The following TMEM255B variants were observed in gnomAD, a reference collection of about 807,000 sequenced individuals.
TMEM255B encodes the protein family with sequence similarity 70, member B.
Under a neutral mutation model 34.5 loss-of-function variants are expected in TMEM255B, and 35 were observed. The observed-to-expected ratio is 1.01, with a 90% CI of 0.77 to 1.34. TMEM255B has a LOEUF of 1.34. Ranked by LOEUF, TMEM255B falls within the 40% of genes most tolerant of loss-of-function variation. The probability of loss-of-function intolerance (pLI) is 0.00; values close to 1 mark genes in which losing one functional copy is unlikely to be tolerated. For synonymous variants in TMEM255B, 206 were observed against 201.2 expected (o/e 1.02, Z -0.20); for missense variants, 432 against 433.2 (o/e 1.00, Z 0.02).
Position 113,805,141 on chromosome 13 carries a change from AT to A in TMEM255B, c.813+115del, listed in dbSNP as rs1594166786. The A allele has an allele frequency of 1.3e-5, 17 of 1,262,650 alleles. 1 individual carries two copies. Among genetic ancestry groups the A allele is most frequent in the Middle Eastern group, 2.5e-4 (1 of 4,014 alleles). 78.2% of individuals were successfully genotyped at this position (1,262,650 alleles called of 1,614,324 possible). A position where few individuals can be genotyped will look rare whatever the true frequency, so the allele number is the denominator to read the frequency against. On this transcript the variant is annotated intron_variant, in intron 8 of 8. Coordinates refer to ENST00000375353, the MANE Select transcript of TMEM255B (RefSeq NM_182614.4). ...GTCTTGCAGCCGCCTCACCTTCTGG[AT>A]TAGGGATGGGAGGTGGGGGGCAGTG...
chr13:113,800,814 C>T lies in TMEM255B; in HGVS notation c.424-13C>T, dbSNP rs1439511983. The T allele has an allele frequency of 6.3e-7, 1 of 1,599,468 alleles. No individual in the cohort carries two copies. The highest frequency in any genetic ancestry group is 8.5e-7 in the Non-Finnish European group (1 of 1,173,558). Reference sequence around the variant, plus strand: ...GCACCGGCATGTGACCTGACAAGGCCTCTCTGCCCCAGGTCACCTGTCACT... The same window carrying T: ...GCACCGGCATGTGACCTGACAAGGCTTCTCTGCCCCAGGTCACCTGTCACT... On this transcript the variant is annotated splice_polypyrimidine_tract_variant and intron_variant, in intron 5 of 8. Transcript: ENST00000375353.
chr13:113,805,085 A>G, intron 8 of TMEM255B, 57 bp downstream of exon 8: 1 of 1,507,824 alleles, frequency 6.6e-7, no homozygotes, highest in Non-Finnish European at 8.9e-7. Flanking sequence ...AGTGGGATGG[A>G]CAGGATGGGG....
intron 8 of TMEM255B, 97 bp from the exon 9 acceptor site, chr13:113,811,639 G>C: frequency 1.4e-6 from 2 of 1,427,418 alleles, no homozygotes; most frequent in Non-Finnish European, 1.9e-6. Flanking sequence ...GGGTGGGTGG[G>C]GAGCGTGTGA....
intron 5 of TMEM255B, chr13:113,799,903 C>T (rs767865746): frequency 8.2e-7 from 1 of 1,224,494 alleles, no homozygotes; most frequent in South Asian, 1.3e-5. Context: ...TGACGGCGCT[C>T]TCTGTGTGTC....
intron 7 of TMEM255B, 129 bp downstream of exon 7, chr13:113,801,941 A>G: frequency 9.0e-7 from 1 of 1,115,252 alleles, no homozygotes; most frequent in Non-Finnish European, 1.3e-6. Flanking sequence ...TGCGTCTGTC[A>G]GCAGGGTGTC....
Position 113,795,056 on chromosome 13 carries a change from G to C in TMEM255B, c.253-92G>C, listed in dbSNP as rs1022764592. On this transcript the variant is annotated intron_variant, in intron 3 of 8. Coordinates refer to ENST00000375353, the MANE Select transcript of TMEM255B (RefSeq NM_182614.4). ...GAGAAGAGGCAGTTCTGTGAAAGAA[G>C]CCCCGACCTCGAGCTGGGACTTTGA... The C allele has an allele frequency of 6.0e-6, 7 of 1,171,744 alleles. No individual in the cohort carries two copies. The African/African-American group carries it at 1.1e-4, about 18-fold the overall frequency. The allele number at this position is 1,171,744 out of a possible 1,614,324, so 72.6% of individuals were successfully genotyped here.
At chr13:113,800,767 G>A in intron 5 of TMEM255B, 60 bp from the exon 6 acceptor site, 1 of 1,505,566 alleles carries the variant, frequency 6.6e-7, no homozygotes, top group Non-Finnish European at 9.0e-7. Flanking sequence ...CCCTGCCCTT[G>A]GTGGGGTGGG....
At chr13:113,799,809 T>G (rs1453110701) in intron 5 of TMEM255B, 1 of 640,422 alleles carries the variant, frequency 1.6e-6, no homozygotes, top group Non-Finnish European at 2.9e-6. Flanking sequence ...ACCTCATTTC[T>G]CTTTCCAGGT....
At position 113,763,943 on chromosome 13, in the gene TMEM255B, C is replaced by T. The variant is rs938967435; in HGVS notation, c.47-2172C>T. Among the ~76,000 whole-genome samples, 10 of 152,312 alleles carry T rather than the reference C, an allele frequency of 6.6e-5. No individual in the cohort carries two copies. The East Asian group carries it at 1.5e-3, about 24-fold the overall frequency. On this transcript the variant is annotated intron_variant, in intron 1 of 8. Coordinates refer to ENST00000375353, the MANE Select transcript of TMEM255B (RefSeq NM_182614.4). ...GGCTGAGAAGCGAGGGACTGAGAGG[C>T]GGAGCTGGAGGAGGCCTTGGGCCGT...
intron 1 of TMEM255B, among the ~76,000 whole-genome samples, 162 bp downstream of exon 1, chr13:113,759,477 T>G (rs765465920): frequency 2.0e-5 from 3 of 152,144 alleles, no homozygotes; most frequent in Non-Finnish European, 4.4e-5. Flanking sequence ...TGGAACACTT[T>G]GCATTTCGCA....
Position 113,813,754 on chromosome 13 carries a change from C to T in TMEM255B, c.*1851C>T, listed in dbSNP as rs1271902119. On this transcript the variant is annotated 3_prime_UTR_variant, in exon 9 of 9. Coordinates refer to ENST00000375353, the MANE Select transcript of TMEM255B (RefSeq NM_182614.4). ...TGCAGCCAGCTCTGGTCTGTGAACC[C>T]GCCACTGCTTGTCATTTTTATCTTA... 6.6e-6 allele frequency: 1 copy of T among 152,252 alleles called. No individual in the cohort carries two copies. Among genetic ancestry groups the T allele is most frequent in the Non-Finnish European group, 1.5e-5 (1 of 68,086 alleles). The allele number at this position is 152,252 out of a possible 1,614,324, so 9.4% of individuals were successfully genotyped here. A position where few individuals can be genotyped will look rare whatever the true frequency, so the allele number is the denominator to read the frequency against.
chr13:113,803,475 G>T (rs1307828130), intron 7 of TMEM255B: 1 of 148,398 alleles, frequency 6.7e-6, no homozygotes, highest in Non-Finnish European at 1.5e-5. Flanking sequence ...CACTTAACGT[G>T]CCGGCAAGGG....
At chr13:113,808,798 G>GGGA (rs1555302319) in intron 8 of TMEM255B, among the ~76,000 whole-genome samples, 1 of 96,910 alleles carries the variant, frequency 1.0e-5, no homozygotes, top group Non-Finnish European at 2.0e-5. Flanking sequence ...TTCCTGGGGG[G>GGGA]GGGGTTACTC....
chr13:113,761,306 G>A (rs1032866470), intron 1 of TMEM255B: 1 of 985,118 alleles, frequency 1.0e-6, no homozygotes, highest in African/African-American at 1.7e-5. Context: ...ATGGGTCTGA[G>A]GGGCAGGAAG....
chr13:113,795,570 CACAGAGCACACAGCACACACACCACA>C (rs1486862526), intron 4 of TMEM255B, among the ~76,000 whole-genome samples: 5 of 146,262 alleles, frequency 3.4e-5, no homozygotes, highest in South Asian at 2.2e-4. Flanking sequence ...CCACACAACA[CACAGAGCACACAGCACACACACCACA>C]ACAGAGCACA....
At position 113,797,747 on chromosome 13, in the gene TMEM255B, C is replaced by T. The variant is rs2050967488; in HGVS notation, c.343-1592C>T. On this transcript the variant is annotated intron_variant, in intron 4 of 8. Transcript: ENST00000375353. Reference sequence around the variant, plus strand: ...GCAGTGTTACTAGTGGTTTCTAATACTTTTCTTGGTTCAGAACTAGGAGCC... The same window carrying T: ...GCAGTGTTACTAGTGGTTTCTAATATTTTTCTTGGTTCAGAACTAGGAGCC... Among the ~76,000 whole-genome samples, 4 of 152,248 alleles carry T rather than the reference C, an allele frequency of 2.6e-5. No individual in the cohort carries two copies. The South Asian group carries it at 8.3e-4, about 31-fold the overall frequency.
chr13:113,794,606 G>A (rs1404581190), intron 3 of TMEM255B, among the ~76,000 whole-genome samples: 1 of 152,022 alleles, frequency 6.6e-6, no homozygotes, highest in East Asian at 1.9e-4. Flanking sequence ...AGTTTTTAGG[G>A]TTAGGGCAGG....
intron 7 of TMEM255B, among the ~76,000 whole-genome samples, chr13:113,803,764 G>C (rs76603312): frequency 7.9e-5 from 12 of 152,290 alleles, no homozygotes; most frequent in African/African-American, 2.9e-4. Flanking sequence ...TGTGGACCAA[G>C]GACCAGCTGC....
At chr13:113,766,292 G>C (rs925334519) in intron 2 of TMEM255B, 35 bp downstream of exon 2, 2 of 1,612,560 alleles carry the variant, frequency 1.2e-6, no homozygotes, top group Non-Finnish European at 1.7e-6. Flanking sequence ...GGGCCGGGGA[G>C]GGCAGGGTGG....
Sources: gnomAD v4.1 joint callset for allele counts (sites outside exome capture counted in the v4.1 genomes callset) on GRCh38, gnomAD v4.1.1 for gene constraint, MANE v1.5 for transcripts, NCBI Gene and HGNC (gene_info 2026-07-23, HGNC 2026-07-21) for gene names.